Variants in BAZ2B observed in about 807,000 individuals in gnomAD.
BAZ2B encodes bromodomain adjacent to zinc finger domain protein 2B.
Under a neutral mutation model 246.0 loss-of-function variants are expected in BAZ2B, and 91 were observed. The ratio of observed to expected loss-of-function variants is 0.37; its 90% CI spans 0.31 to 0.44. The LOEUF is 0.44. Among genes scored for constraint, BAZ2B ranks in the 20% least tolerant of loss-of-function variants. BAZ2B has a pLI of 1.00. For missense variants in BAZ2B, 2,332 were observed against 2,533.7 expected (o/e 0.92, Z 1.71); for synonymous variants, 855 against 860.0 (o/e 0.99, Z 0.10).
At chr2:159,547,924 G>T (rs2087608059) in intron 2 of BAZ2B, among the ~76,000 whole-genome samples, 1 of 152,126 alleles carries the variant, frequency 6.6e-6, no homozygotes, top group Non-Finnish European at 1.5e-5. Context: ...GTGCAGCATG[G>T]TGTTATTTAT....
chr2:159,380,706 A>G (rs1284442625), intron 25 of BAZ2B, among the ~76,000 whole-genome samples: 1 of 152,176 alleles, frequency 6.6e-6, no homozygotes, highest in East Asian at 1.9e-4. Context: ...ATTTTGGCAC[A>G]TGCTATGCAG....
intron 3 of BAZ2B, among the ~76,000 whole-genome samples, chr2:159,473,632 AG>A (rs2078122197): frequency 1.3e-5 from 2 of 152,170 alleles, no homozygotes; most frequent in Admixed American, 1.3e-4. Flanking sequence ...TTGCTTCTCT[AG>A]TTCTTTTAAT....
the BAZ2B span, among the ~76,000 whole-genome samples, chr2:159,705,824 C>T: frequency 6.6e-6 from 1 of 151,730 alleles, no homozygotes; most frequent in Admixed American, 6.6e-5. Context: ...CACATTTTAC[C>T]ATCTAAACCT....
chr2:159,340,798 C>T (rs1177223345), intron 31 of BAZ2B, among the ~76,000 whole-genome samples: 1 of 151,984 alleles, frequency 6.6e-6, no homozygotes, highest in Non-Finnish European at 1.5e-5. Flanking sequence ...ATGATAACCA[C>T]CATCACGAAA....
chr2:159,670,495 C>T, the BAZ2B span, among the ~76,000 whole-genome samples: 6 of 152,222 alleles, frequency 3.9e-5, no homozygotes, highest in African/African-American at 1.4e-4. Context: ...TAATCACCTG[C>T]CCCCTTGCCA....
At chr2:159,565,740 G>A (rs1482450090) in intron 1 of BAZ2B, among the ~76,000 whole-genome samples, 1 of 142,116 alleles carries the variant, frequency 7.0e-6, no homozygotes, top group East Asian at 2.1e-4. Context: ...TTGTGCCACT[G>A]CATTCCAGCC....
At chr2:159,353,971 T>C (rs1219341214) in intron 27 of BAZ2B, among the ~76,000 whole-genome samples, 2 of 152,020 alleles carry the variant, frequency 1.3e-5, no homozygotes, top group African/African-American at 4.8e-5. Context: ...TCACAATATC[T>C]GGCATCCAAT....
intron 2 of BAZ2B, among the ~76,000 whole-genome samples, chr2:159,526,692 A>G (rs1247513185): frequency 6.6e-6 from 1 of 152,128 alleles, no homozygotes; most frequent in Non-Finnish European, 1.5e-5. Flanking sequence ...CATGAGGGAG[A>G]AAAATGAATG....
chr2:159,366,088 T>C (rs2060189621), intron 27 of BAZ2B, among the ~76,000 whole-genome samples: 1 of 152,216 alleles, frequency 6.6e-6, no homozygotes, highest in African/African-American at 2.4e-5. Context: ...TCATTTGCCC[T>C]GGCCCTCCAT....
chr2:159,389,129 A>AACCAAC lies in BAZ2B; in HGVS notation c.3216+215_3216+216insGTTGGT, dbSNP rs374289354. Among the ~76,000 whole-genome samples, 217 of 128,954 alleles carry AACCAAC rather than the reference A, an allele frequency of 1.7e-3. 1 individual carries two copies. Among genetic ancestry groups the AACCAAC allele is most frequent in the Middle Eastern group, 7.6e-3 (2 of 262 alleles). 84.6% of individuals were successfully genotyped at this position (128,954 alleles called of 152,430 possible). A position where few individuals can be genotyped will look rare whatever the true frequency, so the allele number is the denominator to read the frequency against. ...ACCAACCAACCAACCAACCAACCAA[A>AACCAAC]CAAACAAACAAAAAAACCGCCATTA... On this transcript the variant is annotated intron_variant, in intron 21 of 36. Coordinates refer to ENST00000392783, the MANE Select transcript of BAZ2B (RefSeq NM_013450.4).
chr2:159,510,933 A>C (rs1374877645), intron 2 of BAZ2B, among the ~76,000 whole-genome samples: 3 of 152,132 alleles, frequency 2.0e-5, no homozygotes, highest in Non-Finnish European at 4.4e-5. Context: ...ACTGTAACAC[A>C]TTTAATATTT....
intron 1 of BAZ2B, among the ~76,000 whole-genome samples, chr2:159,589,276 A>G (rs1377058483): frequency 6.6e-6 from 1 of 152,146 alleles, no homozygotes; most frequent in African/African-American, 2.4e-5. Flanking sequence ...TCAGAATCAT[A>G]ATTTATGGGT....
At chr2:159,692,244 TC>T in the BAZ2B span, among the ~76,000 whole-genome samples, 2 of 152,018 alleles carry the variant, frequency 1.3e-5, no homozygotes, top group Non-Finnish European at 2.9e-5. Context: ...AACCTCTGAC[TC>T]CCAGGTTCAA....
At chr2:159,532,186 G>GT (rs992724403) in intron 2 of BAZ2B, among the ~76,000 whole-genome samples, 21 of 152,004 alleles carry the variant, frequency 1.4e-4, no homozygotes, top group Non-Finnish European at 2.2e-4. Flanking sequence ...TCTAATCAAT[G>GT]TTTTTTAACA....
At chr2:159,400,133 C>T (rs980021309) in intron 17 of BAZ2B, among the ~76,000 whole-genome samples, 10 of 152,176 alleles carry the variant, frequency 6.6e-5, no homozygotes, top group African/African-American at 1.9e-4. Flanking sequence ...TGTCCTCTAT[C>T]TCTATTCTAA....
the BAZ2B span, among the ~76,000 whole-genome samples, chr2:159,648,149 A>T: frequency 2.8e-3 from 418 of 151,628 alleles, 2 homozygotes; most frequent in Non-Finnish European, 4.7e-3. Flanking sequence ...TTATTTATTT[A>T]TTTTTTGAGA....
chr2:159,674,108 C>T, the BAZ2B span, among the ~76,000 whole-genome samples: 4 of 151,826 alleles, frequency 2.6e-5, no homozygotes, highest in East Asian at 7.7e-4. Context: ...CTTTGCAAGG[C>T]TGAGGTGGGC....
chr2:159,397,838 C>T (rs1455227441), intron 18 of BAZ2B, among the ~76,000 whole-genome samples: 1 of 122,268 alleles, frequency 8.2e-6, no homozygotes, highest in African/African-American at 2.7e-5. Flanking sequence ...CTCAAATATA[C>T]TCTATAATTA....
the BAZ2B span, among the ~76,000 whole-genome samples, chr2:159,704,253 G>A: frequency 1.3e-5 from 2 of 152,172 alleles, no homozygotes; most frequent in Non-Finnish European, 2.9e-5. Flanking sequence ...TACAGATGAG[G>A]TGTTTTTAAA....
Sources: gnomAD v4.1 joint callset for allele counts (sites outside exome capture counted in the v4.1 genomes callset) on GRCh38, gnomAD v4.1.1 for gene constraint, MANE v1.5 for transcripts, NCBI Gene and HGNC (gene_info 2026-07-23, HGNC 2026-07-21) for gene names.